Variants in SLC14A2 observed in about 807,000 individuals in gnomAD.
SLC14A2 encodes the protein urea transporter 2.
SLC14A2 carries 91 observed loss-of-function variants against 104.6 expected under a neutral mutation model. The ratio of observed to expected loss-of-function variants is 0.87; its 90% CI spans 0.73 to 1.04. The LOEUF (loss-of-function observed/expected upper bound fraction) is 1.04, where lower values mean the gene tolerates loss of function less well. SLC14A2 is among the 50% of genes least tolerant of loss of function. The pLI is 0.00. For synonymous variants in SLC14A2, 476 were observed against 466.4 expected, an observed-to-expected ratio of 1.02 and a Z score of -0.27; for missense variants, 1,189 against 1,156.0, an observed-to-expected ratio of 1.03 and a Z score of -0.41.
chr18:45,512,351 C>T (rs757038671), intron 2 of SLC14A2, among the ~76,000 whole-genome samples: 5 of 152,074 alleles, frequency 3.3e-5, no homozygotes, highest in Non-Finnish European at 7.4e-5. Flanking sequence ...GTCAGATGGG[C>T]GATACCTAGG....
At chr18:45,655,849 G>T (rs1341320490) in intron 10 of SLC14A2, among the ~76,000 whole-genome samples, 1 of 152,062 alleles carries the variant, frequency 6.6e-6, no homozygotes, top group African/African-American at 2.4e-5. Context: ...TTAAAAAGTT[G>T]CAAATCCATT....
chr18:45,324,250 C>T (rs1448217319), intron 1 of SLC14A2, among the ~76,000 whole-genome samples: 1 of 152,170 alleles, frequency 6.6e-6, no homozygotes, highest in Admixed American at 6.5e-5. Flanking sequence ...GTCCCTTCTC[C>T]AGGCATTTTT....
At chr18:45,198,859 G>A in the SLC14A2 span, among the ~76,000 whole-genome samples, 72 of 143,754 alleles carry the variant, frequency 5.0e-4, no homozygotes, top group Middle Eastern at 7.2e-3. Flanking sequence ...TAAAGATAAA[G>A]AGAAGCATAT....
chr18:45,426,237 A>G (rs1018977413), intron 1 of SLC14A2, among the ~76,000 whole-genome samples: 6 of 152,072 alleles, frequency 3.9e-5, no homozygotes, highest in African/African-American at 1.4e-4. Flanking sequence ...GTTCTGGACT[A>G]CCCGAGTCAA....
At chr18:45,247,154 T>A (rs143389458) in intron 1 of SLC14A2, among the ~76,000 whole-genome samples, 131 of 152,324 alleles carry the variant, frequency 8.6e-4, no homozygotes, top group African/African-American at 3.0e-3. Context: ...AAAATCTGTA[T>A]TCAAACACAA....
chr18:45,397,824 G>C (rs1386455840), intron 1 of SLC14A2, among the ~76,000 whole-genome samples: 1 of 152,008 alleles, frequency 6.6e-6, no homozygotes, highest in Non-Finnish European at 1.5e-5. Flanking sequence ...GATAACAATA[G>C]TACCTACCTT....
rs969332561 is a variant in SLC14A2 at position 45,542,049 on chromosome 18, T to G, written c.-35+58727T>G. ...AAAGAGAGAGGGTTTTTTTTTTTTT[T>G]TTTTTTTTTTTTTTTTTTTTTTTGC... On this transcript the variant is annotated intron_variant, in intron 2 of 20. Coordinates refer to the SLC14A2 transcript ENST00000586448. 1.4e-3 allele frequency among the ~76,000 whole-genome samples: 190 copies of G among 134,162 alleles called. 2 individuals are homozygous for G. The highest frequency in any genetic ancestry group is 4.0e-3 in the African/African-American group (142 of 35,260). 88.0% of individuals were successfully genotyped at this position (134,162 alleles called of 152,430 possible).
chr18:45,523,901 G>A (rs2043553602), intron 2 of SLC14A2, among the ~76,000 whole-genome samples: 1 of 152,196 alleles, frequency 6.6e-6, no homozygotes, highest in South Asian at 2.1e-4. Context: ...TCTGTCCTTT[G>A]AAGAAGATTT....
At chr18:45,207,723 C>G in the SLC14A2 span, among the ~76,000 whole-genome samples, 2 of 152,188 alleles carry the variant, frequency 1.3e-5, no homozygotes, top group African/African-American at 4.8e-5. Flanking sequence ...AGCAAACACA[C>G]AGACATAGGG....
intron 1 of SLC14A2, among the ~76,000 whole-genome samples, chr18:45,432,062 T>A (rs182759511): frequency 6.6e-6 from 1 of 152,312 alleles, no homozygotes; most frequent in East Asian, 1.9e-4. Context: ...CTGTTGAATA[T>A]CATTCCCCCA....
intron 1 of SLC14A2, among the ~76,000 whole-genome samples, chr18:45,347,585 A>G (rs2085462032): frequency 6.6e-6 from 1 of 152,112 alleles, no homozygotes; most frequent in Admixed American, 6.5e-5. Flanking sequence ...CTGGCTTTCT[A>G]TTCTGTTTTC....
At chr18:45,553,921 C>T (rs1277116861) in intron 2 of SLC14A2, among the ~76,000 whole-genome samples, 1 of 152,152 alleles carries the variant, frequency 6.6e-6, no homozygotes, top group Non-Finnish European at 1.5e-5. Context: ...TACAAGGGTT[C>T]CCATCTGAGA....
At position 45,624,710 on chromosome 18, in the gene SLC14A2, A is replaced by G. The variant is rs1256146219; in HGVS notation, c.46A>G (p.Ser16Gly). The part of the protein sequence containing the change: ...SSPLLPEPLS[S>G]RYKLYEAEFT... ...TCCTCTCCTGCCAGAGCCACTTTCC[A>G]GCAGATACAAACTCTACGAGGCAGA... Residue 16 changes from serine to glycine, a missense_variant, in exon 2 of 20, where the codon AGC becomes GGC. Physicochemically the swap from Ser to Gly is moderately conservative, Grantham distance 56. Coordinates refer to ENST00000255226, the MANE Select transcript of SLC14A2 (RefSeq NM_007163.4). The G allele has an allele frequency of 1.2e-6, 2 of 1,613,490 alleles. No homozygotes were observed. Among genetic ancestry groups the G allele is most frequent in the Non-Finnish European group, 1.7e-6 (2 of 1,179,750 alleles).
chr18:45,392,355 G>T (rs984379960), intron 1 of SLC14A2, among the ~76,000 whole-genome samples: 2 of 152,170 alleles, frequency 1.3e-5, no homozygotes, highest in African/African-American at 4.8e-5. Flanking sequence ...GAAAGGAGGA[G>T]AATTTTTAAA....
At chr18:45,313,507 A>G (rs986622579) in intron 1 of SLC14A2, among the ~76,000 whole-genome samples, 1 of 152,210 alleles carries the variant, frequency 6.6e-6, no homozygotes, top group Non-Finnish European at 1.5e-5. Flanking sequence ...GCAAAATTAT[A>G]TAGACCTAAT....
intron 2 of SLC14A2, among the ~76,000 whole-genome samples, chr18:45,524,172 C>T (rs1036961108): frequency 3.3e-5 from 5 of 152,080 alleles, no homozygotes; most frequent in East Asian, 3.8e-4. Context: ...ACTACTATTA[C>T]TTATTCTTTA....
At chr18:45,380,006 A>T (rs2085817221) in intron 1 of SLC14A2, among the ~76,000 whole-genome samples, 1 of 152,194 alleles carries the variant, frequency 6.6e-6, no homozygotes, top group African/African-American at 2.4e-5. Context: ...GAATCATATG[A>T]TTTGAAAAGG....
chr18:45,400,422 G>C (rs922865019), intron 1 of SLC14A2, among the ~76,000 whole-genome samples: 1 of 152,192 alleles, frequency 6.6e-6, no homozygotes, highest in Non-Finnish European at 1.5e-5. Flanking sequence ...CAGAAGTAAT[G>C]CTGTGTTCTT....
At chr18:45,607,621 C>T (rs531342462) in intron 2 of SLC14A2, among the ~76,000 whole-genome samples, 2 of 152,186 alleles carry the variant, frequency 1.3e-5, no homozygotes, top group East Asian at 1.9e-4. Flanking sequence ...TGACAAATTG[C>T]CCCAGGTGTG....
Sources: allele counts gnomAD v4.1 joint callset (sites outside exome capture counted in the v4.1 genomes callset), GRCh38; gene constraint gnomAD v4.1.1; transcripts MANE v1.5; gene names NCBI Gene and HGNC (gene_info 2026-07-23, HGNC 2026-07-21).